NXPH2: variants seen among roughly 807,000 people sequenced by gnomAD.
The protein encoded by NXPH2 is neurexophilin-2.
NXPH2 carries 5 observed loss-of-function variants against 19.8 expected under a neutral mutation model. That is an observed-to-expected ratio of 0.25 (90% CI 0.13 to 0.53). NXPH2 has a LOEUF of 0.53. Among genes scored for constraint, NXPH2 ranks in the 20% least tolerant of loss-of-function variants. The pLI is 0.96. For synonymous variants in NXPH2, 154 were observed against 127.4 expected, an observed-to-expected ratio of 1.21 and a Z score of -1.41; for missense variants, 289 against 322.8, an observed-to-expected ratio of 0.90 and a Z score of 0.80.
At chr2:138,712,941 C>T (rs1681126522) in intron 1 of NXPH2, among the ~76,000 whole-genome samples, 1 of 152,196 alleles carries the variant, frequency 6.6e-6, no homozygotes, top group African/African-American at 2.4e-5. Flanking sequence ...AAATTCCTTC[C>T]AATTCTTTCT....
rs192820362 is a variant in NXPH2 at position 138,692,232 on chromosome 2, A to G, written c.52-20567T>C. On this transcript the variant is annotated intron_variant, in intron 1 of 1. Coordinates refer to ENST00000272641, the MANE Select transcript of NXPH2 (RefSeq NM_007226.3). Reference sequence around the variant, plus strand: ...TGGTTCCTGTTGAAGCAGGTTCTTGAAAAATCCAGACCCAATCCCTGATTT... The same window carrying G: ...TGGTTCCTGTTGAAGCAGGTTCTTGGAAAATCCAGACCCAATCCCTGATTT... Among the ~76,000 whole-genome samples the G allele has an allele frequency of 1.4e-3, 220 of 152,254 alleles. 1 individual carries two copies. Among genetic ancestry groups the G allele is most frequent in the African/African-American group, 5.2e-3 (217 of 41,554 alleles).
At chr2:138,754,664 T>C (rs969131690) in intron 1 of NXPH2, among the ~76,000 whole-genome samples, 2 of 152,158 alleles carry the variant, frequency 1.3e-5, no homozygotes, top group Admixed American at 1.3e-4. Context: ...ATGCAGACAT[T>C]TTTTGTGGAA....
intron 1 of NXPH2, among the ~76,000 whole-genome samples, chr2:138,701,672 G>A (rs73961510): frequency 0.032 from 4,807 of 152,242 alleles, 247 homozygotes; most frequent in African/African-American, 0.11. Context: ...CTTACTCTGT[G>A]TCTTTTTCAT....
At chr2:138,780,096 C>G (rs1682327730) in intron 1 of NXPH2, 95 bp downstream of exon 1, 1 of 1,275,942 alleles carries the variant, frequency 7.8e-7, no homozygotes, top group South Asian at 1.6e-5. Flanking sequence ...ACTTCCCAAG[C>G]AGGCCCAGGC....
intron 1 of NXPH2, among the ~76,000 whole-genome samples, chr2:138,774,623 G>C (rs1169126406): frequency 3.9e-5 from 6 of 152,100 alleles, no homozygotes; most frequent in Admixed American, 3.3e-4. Context: ...AAGTTCTCAG[G>C]CTGTTAAACG....
intron 1 of NXPH2, among the ~76,000 whole-genome samples, chr2:138,709,093 G>A (rs577618812): frequency 2.0e-5 from 3 of 152,142 alleles, no homozygotes; most frequent in African/African-American, 7.2e-5. Context: ...TGGCAATGGA[G>A]CTAATTCCAA....
chr2:138,742,715 C>G (rs1381952084), intron 1 of NXPH2, among the ~76,000 whole-genome samples: 1 of 152,180 alleles, frequency 6.6e-6, no homozygotes, highest in South Asian at 2.1e-4. Context: ...GGGCCCAGAA[C>G]AAGTCAGCTT....
intron 1 of NXPH2, among the ~76,000 whole-genome samples, chr2:138,768,652 G>C (rs1682128301): frequency 6.6e-6 from 1 of 152,190 alleles, no homozygotes; most frequent in Admixed American, 6.5e-5. Flanking sequence ...TACCCTTTCT[G>C]TGAGCTGCCC....
rs1681466356 is a variant in NXPH2, at chr2:138,732,422, A to G, written c.51+47769T>C. On this transcript the variant is annotated intron_variant, in intron 1 of 1. Coordinates refer to ENST00000272641, the MANE Select transcript of NXPH2 (RefSeq NM_007226.3). ...GGTTAGGTAAGGAGGACAAGTAGAA[A>G]CACTGATGTGTGAGATTGCGAAGGA... 2.0e-5 allele frequency among the ~76,000 whole-genome samples: 3 copies of G among 152,260 alleles called. No individual in the cohort carries two copies. In the South Asian group the frequency reaches 6.2e-4, roughly 32 times the overall value.
intron 1 of NXPH2, among the ~76,000 whole-genome samples, chr2:138,729,449 A>G (rs1215963839): frequency 6.6e-6 from 1 of 152,164 alleles, no homozygotes; most frequent in Non-Finnish European, 1.5e-5. Context: ...CTGTGAGGCA[A>G]TTAAACCTCT....
chr2:138,732,140 G>A (rs947731090), intron 1 of NXPH2, among the ~76,000 whole-genome samples: 18 of 152,322 alleles, frequency 1.2e-4, no homozygotes, highest in African/African-American at 4.3e-4. Context: ...ATGTCAAGTT[G>A]AAAATGGGAA....
At chr2:138,695,299 A>G (rs1009960832) in intron 1 of NXPH2, among the ~76,000 whole-genome samples, 3 of 152,224 alleles carry the variant, frequency 2.0e-5, no homozygotes, top group Non-Finnish European at 2.9e-5. Flanking sequence ...GTAGTTTGAA[A>G]AAGATACTGT....
chr2:138,673,217 C>A (rs1213338734), intron 1 of NXPH2, among the ~76,000 whole-genome samples: 1 of 152,134 alleles, frequency 6.6e-6, no homozygotes, highest in Non-Finnish European at 1.5e-5. Context: ...ATGGCCTCTT[C>A]TTAGGGGCTT....
rs115413448 is a variant in NXPH2 at position 138,700,714 on chromosome 2, C to T, written c.52-29049G>A. Among the ~76,000 whole-genome samples, 1,341 of 152,062 alleles carry T rather than the reference C, an allele frequency of 8.8e-3. 17 individuals are homozygous for T. The highest frequency in any genetic ancestry group is 0.031 in the African/African-American group (1,291 of 41,482). Reference sequence around the variant, plus strand: ...ATCAGACCAGCACCTGCTGACCATCCGTCTGTTGGACTTCTTAATGTCCTC... The same window carrying T: ...ATCAGACCAGCACCTGCTGACCATCTGTCTGTTGGACTTCTTAATGTCCTC... On this transcript the variant is annotated intron_variant, in intron 1 of 1. Transcript: ENST00000272641.
chr2:138,671,141 T>C lies in NXPH2; in HGVS notation c.576A>G (p.Glu192=). 1 of 1,613,990 alleles carries C rather than the reference T, an allele frequency of 6.2e-7. No individual in the cohort carries two copies. Among genetic ancestry groups the C allele is most frequent in the East Asian group, 2.2e-5 (1 of 44,876 alleles). ...CGGTCTTTTTCGCCCGATCTGTTTTTTCATACTCAATGCGACAATTGAAAG... is the reference window on the plus strand; with the variant it reads ...CGGTCTTTTTCGCCCGATCTGTTTTCTCATACTCAATGCGACAATTGAAAG... ...SKSFNCRIEY[E]KTDRAKKTAL... The change falls in exon 2 of 2, where the codon GAA becomes GAG. Residue 192 remains glutamate (E), a synonymous_variant. Transcript: ENST00000272641.
At chr2:138,716,004 C>T (rs1283859309) in intron 1 of NXPH2, among the ~76,000 whole-genome samples, 1 of 152,134 alleles carries the variant, frequency 6.6e-6, no homozygotes, top group Non-Finnish European at 1.5e-5. Context: ...GCCTGATGAT[C>T]TACTTTTTTC....
chr2:138,705,825 T>C (rs1681000352), intron 1 of NXPH2, among the ~76,000 whole-genome samples: 1 of 152,194 alleles, frequency 6.6e-6, no homozygotes, highest in South Asian at 2.1e-4. Flanking sequence ...TTCATATAGC[T>C]GAGGATGTTT....
chr2:138,722,621 A>G (rs1681298754), intron 1 of NXPH2, among the ~76,000 whole-genome samples: 2 of 152,194 alleles, frequency 1.3e-5, no homozygotes, highest in South Asian at 4.1e-4. Flanking sequence ...TCCAATAGTT[A>G]AGGAATTCCT....
At position 138,692,753 on chromosome 2, in the gene NXPH2, G is replaced by A. The variant is rs76861628; in HGVS notation, c.52-21088C>T. On this transcript the variant is annotated intron_variant, in intron 1 of 1. Coordinates refer to ENST00000272641, the MANE Select transcript of NXPH2 (RefSeq NM_007226.3). ...AAAATGTGTGTGCCTCAAAATACCTGGAGATTTCTAATATTTATAAAGATA... is the reference window on the plus strand; with the variant it reads ...AAAATGTGTGTGCCTCAAAATACCTAGAGATTTCTAATATTTATAAAGATA... Among the ~76,000 whole-genome samples the A allele has an allele frequency of 2.2e-3, 333 of 152,152 alleles. 1 individual carries two copies. The highest frequency in any genetic ancestry group is 3.5e-3 in the Non-Finnish European group (239 of 67,998).
Sources: gnomAD v4.1 joint callset for allele counts (sites outside exome capture counted in the v4.1 genomes callset) on GRCh38, gnomAD v4.1.1 for gene constraint, MANE v1.5 for transcripts, NCBI Gene and HGNC (gene_info 2026-07-23, HGNC 2026-07-21) for gene names.